WDR31: variants seen among roughly 807,000 people sequenced by gnomAD.
The protein encoded by WDR31 is WD repeat-containing protein 31.
WDR31 carries 30 observed loss-of-function variants against 47.3 expected under a neutral mutation model. That is an observed-to-expected ratio of 0.63 (90% confidence interval 0.47 to 0.86). The LOEUF (loss-of-function observed/expected upper bound fraction) is 0.86. Among genes scored for constraint, WDR31 ranks in the 40% least tolerant of loss-of-function variants. The pLI is 0.00. For synonymous variants in WDR31, 137 were observed against 159.4 expected, an observed-to-expected ratio of 0.86 and a Z score of 1.06; for missense variants, 406 against 442.9, an observed-to-expected ratio of 0.92 and a Z score of 0.75.
chr9:113,320,211 A>G, intron 9 of WDR31, 146 bp downstream of exon 9: 1 of 1,063,186 alleles, frequency 9.4e-7, no homozygotes, highest in Non-Finnish European at 1.3e-6. Context: ...AGCAACTGGA[A>G]TGCAAAGGAT....
At chr9:113,318,701 C>A (rs1833264868) in intron 9 of WDR31, 64 bp from the exon 10 acceptor site, 6 of 1,563,066 alleles carry the variant, frequency 3.8e-6, no homozygotes, top group Non-Finnish European at 4.4e-6. Flanking sequence ...GAATATCTAT[C>A]TCCCCCTACC....
In WDR31 at chr9:113,315,822, A is replaced by G. The variant is rs1833185523; in HGVS notation, c.*927T>C. On this transcript the variant is annotated 3_prime_UTR_variant, in exon 11 of 11. Transcript: ENST00000374193. ...GCTGGGACTACAGGCACGCACGTAC[A>G]GGCTGGTCTTGAACTCCTGACCTAA... 6.6e-6 allele frequency: 1 copy of G among 152,178 alleles called. No individual in the cohort carries two copies. The allele number at this position is 152,178 out of a possible 1,614,324, so 9.4% of individuals were successfully genotyped here. A position where few individuals can be genotyped will look rare whatever the true frequency, so the allele number is the denominator to read the frequency against.
chr9:113,318,770 C>T, intron 9 of WDR31, 133 bp from the exon 10 acceptor site: 1 of 885,046 alleles, frequency 1.1e-6, no homozygotes, highest in Non-Finnish European at 1.7e-6. Flanking sequence ...TTATCTTCAT[C>T]CATCCACAGA....
chr9:113,324,225 G>A (rs866367666), intron 5 of WDR31, among the ~76,000 whole-genome samples: 9 of 152,004 alleles, frequency 5.9e-5, no homozygotes, highest in Admixed American at 2.6e-4. Flanking sequence ...CCCCGCAGCC[G>A]CTGGCACCCA....
At chr9:113,327,697 C>T (rs1453935454) in intron 5 of WDR31, among the ~76,000 whole-genome samples, 1 of 151,528 alleles carries the variant, frequency 6.6e-6, no homozygotes. Flanking sequence ...TGCTATGTCC[C>T]AGGCTGGTTT....
rs1833370365 is a variant in WDR31 at position 113,323,153 on chromosome 9, T to C, written c.327A>G (p.Val109=). ...FKGHEHEITK[V]ACIPKSSQFF... The stretch of plus-strand genomic sequence containing the variant: ...ACTGGCTGGATTTGGGAATACAGGC[T>C]ACCTGCTCAGGGAAAAAACAACAAC... Residue 109 remains valine (V), a splice_region_variant and synonymous_variant, in exon 6 of 11, where the codon GTA becomes GTG. Coordinates refer to ENST00000374193, the MANE Select transcript of WDR31 (RefSeq NM_001012361.4). 13 of 1,612,846 alleles carry C rather than the reference T, an allele frequency of 8.1e-6. No homozygotes were observed. Among genetic ancestry groups the C allele is most frequent in the Non-Finnish European group, 1.1e-5 (13 of 1,179,484 alleles).
At position 113,315,140 on chromosome 9, in the gene WDR31, C is replaced by T. The variant is rs562989037; in HGVS notation, c.*1609G>A. 5 of 152,040 alleles carry T rather than the reference C, an allele frequency of 3.3e-5. No homozygotes were observed. The East Asian group carries it at 9.8e-4, about 30-fold the overall frequency. The allele number at this position is 152,040 out of a possible 1,614,324, so 9.4% of individuals were successfully genotyped here. On this transcript the variant is annotated 3_prime_UTR_variant, in exon 11 of 11. Transcript: ENST00000374193. Reference sequence around the variant, plus strand: ...TGGTGGCTCATACCTGTAATCTCAACACTTAAGGAGGCCGAGGCAGATGGA... The same window carrying T: ...TGGTGGCTCATACCTGTAATCTCAATACTTAAGGAGGCCGAGGCAGATGGA...
At chr9:113,327,952 A>T (rs1206061512) in intron 5 of WDR31, among the ~76,000 whole-genome samples, 1 of 151,034 alleles carries the variant, frequency 6.6e-6, no homozygotes, top group Admixed American at 6.6e-5. Context: ...CAAAACAAAA[A>T]ATTCCTGGCC....
intron 1 of WDR31, among the ~76,000 whole-genome samples, chr9:113,338,287 G>A (rs1215761041): frequency 2.0e-5 from 3 of 152,152 alleles, no homozygotes; most frequent in African/African-American, 7.2e-5. Context: ...TATGGCCTCT[G>A]ATCAGAGTGA....
intron 5 of WDR31, among the ~76,000 whole-genome samples, chr9:113,323,867 C>T (rs1319732153): frequency 2.0e-5 from 3 of 152,132 alleles, no homozygotes; most frequent in South Asian, 2.1e-4. Flanking sequence ...GTTATACTTA[C>T]GAAGAATTTG....
At chr9:113,328,997 T>C in intron 4 of WDR31, 42 bp from the exon 5 acceptor site, 3 of 1,547,614 alleles carry the variant, frequency 1.9e-6, no homozygotes, top group Non-Finnish European at 2.7e-6. Flanking sequence ...TCAATTCTTG[T>C]TAAAGTGACA....
Position 113,316,896 on chromosome 9 carries a change from G to T in WDR31, c.957C>A (p.Thr319=), listed in dbSNP as rs1833217442. 8 of 1,613,798 alleles carry T rather than the reference G, an allele frequency of 5.0e-6. No homozygotes were observed. Among genetic ancestry groups the T allele is most frequent in the Non-Finnish European group, 5.9e-6 (7 of 1,179,886 alleles). ...WNQDTGACLF[T]LSLDGSGPLT... The stretch of plus-strand genomic sequence containing the variant: ...AGGGTCCTGATCCATCCAGAGACAA[G>T]GTGAAAAGGCAGGCTGGGGGGGAAA... The change falls in exon 11 of 11, where the codon ACC becomes ACA. Residue 319 remains threonine (T), a synonymous_variant. Coordinates refer to ENST00000374193, the MANE Select transcript of WDR31 (RefSeq NM_001012361.4).
intron 5 of WDR31, among the ~76,000 whole-genome samples, chr9:113,324,510 C>T (rs1405984166): frequency 6.6e-6 from 1 of 151,820 alleles, no homozygotes; most frequent in Non-Finnish European, 1.5e-5. Flanking sequence ...TTGCCTCAGC[C>T]TCCTGAATAG....
intron 2 of WDR31, 49 bp from the exon 3 acceptor site, chr9:113,332,099 T>C: frequency 7.0e-6 from 9 of 1,280,918 alleles, no homozygotes; most frequent in Non-Finnish European, 1.0e-5. Flanking sequence ...TTAGGCACAA[T>C]AGTATGATGT....
At position 113,314,710 on chromosome 9, in the gene WDR31, G is replaced by A. The variant is rs1833151748; in HGVS notation, c.*2039C>T. 6.7e-6 allele frequency: 1 copy of A among 150,292 alleles called. No homozygotes were observed. Among genetic ancestry groups the A allele is most frequent in the Admixed American group, 6.6e-5 (1 of 15,202 alleles). 9.3% of individuals were successfully genotyped at this position (150,292 alleles called of 1,614,324 possible). On this transcript the variant is annotated 3_prime_UTR_variant, in exon 11 of 11. Transcript: ENST00000374193. ...GCTCACCGCAACCTCCGCCTCCTGG[G>A]TTCAAGCGATTCTCCCGCCTCAGGC...
rs1215794355 is a variant in WDR31, at chr9:113,315,920, C to T, written c.*829G>A. ...GGGATCCCCTTTGCCTCACTCTGGC[C>T]ATTCCAAAACATATATATGTTTCAT... On this transcript the variant is annotated 3_prime_UTR_variant, in exon 11 of 11. Coordinates refer to ENST00000374193, the MANE Select transcript of WDR31 (RefSeq NM_001012361.4). The T allele has an allele frequency of 6.6e-6, 1 of 152,124 alleles. No individual in the cohort carries two copies. The highest frequency in any genetic ancestry group is 1.5e-5 in the Non-Finnish European group (1 of 68,018). 9.4% of individuals were successfully genotyped at this position (152,124 alleles called of 1,614,324 possible).
At chr9:113,327,498 ACTTT>A (rs1207915075) in intron 5 of WDR31, among the ~76,000 whole-genome samples, 1 of 151,844 alleles carries the variant, frequency 6.6e-6, no homozygotes, top group Non-Finnish European at 1.5e-5. Context: ...ATTCTCTCTC[ACTTT>A]CTTTCCTTTT....
chr9:113,326,999 C>A (rs1026437536), intron 5 of WDR31, among the ~76,000 whole-genome samples: 1 of 151,368 alleles, frequency 6.6e-6, no homozygotes, highest in Non-Finnish European at 1.5e-5. Context: ...CTACATCCAA[C>A]TAATTTTTTA....
At chr9:113,324,468 C>T (rs1030624008) in intron 5 of WDR31, among the ~76,000 whole-genome samples, 53 of 150,434 alleles carry the variant, frequency 3.5e-4, no homozygotes, top group Non-Finnish European at 1.3e-4. Context: ...CGGTTCACTG[C>T]AACCTTCCCT....
Sources: allele counts gnomAD v4.1 joint callset (sites outside exome capture counted in the v4.1 genomes callset), GRCh38; gene constraint gnomAD v4.1.1; transcripts MANE v1.5; gene names NCBI Gene and HGNC (gene_info 2026-07-23, HGNC 2026-07-21).